Variants in DESI2 observed in about 807,000 individuals in gnomAD.
The protein encoded by DESI2 is deubiquitinase DESI2.
Under a neutral mutation model 24.1 loss-of-function variants are expected in DESI2, and 10 were observed. That is an observed-to-expected ratio of 0.41 (90% CI 0.26 to 0.70). DESI2 has a LOEUF of 0.70. Ranked by LOEUF, DESI2 falls within the 30% of genes least tolerant of loss-of-function variation. DESI2 has a pLI of 0.29. For synonymous variants in DESI2, 71 were observed against 87.7 expected, an observed-to-expected ratio of 0.81 and a Z score of 1.06; for missense variants, 122 against 234.9, an observed-to-expected ratio of 0.52 and a Z score of 3.14.
intron 1 of DESI2, among the ~76,000 whole-genome samples, chr1:244,666,106 A>C (rs1676034959): frequency 6.6e-6 from 1 of 152,182 alleles, no homozygotes; most frequent in South Asian, 2.1e-4. Context: ...CCACTCTCCG[A>C]GACAACTACA....
At chr1:244,699,445 G>C (rs900504318) in intron 4 of DESI2, among the ~76,000 whole-genome samples, 8 of 151,776 alleles carry the variant, frequency 5.3e-5, no homozygotes, top group Non-Finnish European at 1.2e-4. Flanking sequence ...AGCCGGGCAT[G>C]GTGGCGCGGA....
Position 244,689,434 on chromosome 1 carries a change from C to G in DESI2, c.209+92C>G. 1 of 620,634 alleles carries G rather than the reference C, an allele frequency of 1.6e-6. No individual in the cohort carries two copies. The highest frequency in any genetic ancestry group is 2.9e-6 in the Non-Finnish European group (1 of 348,044). 38.4% of individuals were successfully genotyped at this position (620,634 alleles called of 1,614,324 possible). ...ATTCATTCTGTAAATCAAAACAAAC[C>G]CAAGAAGTTAAAAATGTCTCTTTGT... On this transcript the variant is annotated intron_variant, in intron 3 of 4. Coordinates refer to ENST00000302550, the MANE Select transcript of DESI2 (RefSeq NM_016076.5). The surrounding 1 kb of genome is among the most constrained non-coding windows in gnomAD (Gnocchi z 4.0).
chr1:244,693,346 C>T (rs1376588826), intron 4 of DESI2, among the ~76,000 whole-genome samples: 2 of 152,176 alleles, frequency 1.3e-5, no homozygotes, highest in East Asian at 3.9e-4. Flanking sequence ...GCATTTGGGG[C>T]CCAAAGAGCA....
intron 1 of DESI2, 122 bp from the exon 2 acceptor site, chr1:244,686,475 G>T: frequency 1.5e-6 from 1 of 668,976 alleles, no homozygotes; most frequent in Non-Finnish European, 2.7e-6. Flanking sequence ...ACAGAGACAG[G>T]ACCACTGGAT....
intron 1 of DESI2, among the ~76,000 whole-genome samples, chr1:244,672,175 A>C (rs1486533146): frequency 6.6e-6 from 1 of 152,134 alleles, no homozygotes; most frequent in African/African-American, 2.4e-5. Context: ...CTCTTAAAAA[A>C]AGAAATGTTG....
At chr1:244,684,002 G>A (rs938575986) in intron 1 of DESI2, among the ~76,000 whole-genome samples, 4 of 152,012 alleles carry the variant, frequency 2.6e-5, no homozygotes, top group African/African-American at 9.6e-5. Context: ...ACCACACTGA[G>A]CCCTTCCCCT....
chr1:244,673,585 T>G (rs1321820965), intron 1 of DESI2, among the ~76,000 whole-genome samples: 1 of 152,190 alleles, frequency 6.6e-6, no homozygotes, highest in Non-Finnish European at 1.5e-5. Flanking sequence ...GGTTTTTGAT[T>G]GGGTATAGAG....
intron 4 of DESI2, among the ~76,000 whole-genome samples, chr1:244,700,768 A>G (rs982053953): frequency 3.3e-5 from 5 of 152,228 alleles, no homozygotes. Flanking sequence ...AATTCTCAGC[A>G]ACAAGAAACA....
chr1:244,680,020 CTT>C (rs147614472), intron 1 of DESI2, among the ~76,000 whole-genome samples: 6,805 of 81,766 alleles, frequency 0.083, 527 homozygotes, highest in African/African-American at 0.22. Flanking sequence ...TCTTTTTAGC[CTT>C]TTTTTTTTTT....
chr1:244,706,368 G>C lies in DESI2; in HGVS notation c.*579G>C, dbSNP rs902092134. 4.5e-5 allele frequency: 7 copies of C among 154,752 alleles called. No individual in the cohort carries two copies. Among genetic ancestry groups the C allele is most frequent in the African/African-American group, 1.7e-4 (7 of 41,474 alleles). The allele number at this position is 154,752 out of a possible 1,614,324, so 9.6% of individuals were successfully genotyped here. The stretch of plus-strand genomic sequence containing the variant: ...CTGAGGGCTTGGAACCCTGGGTCCA[G>C]TTCCTCTTCACACCCCCTTCCACTC... On this transcript the variant is annotated 3_prime_UTR_variant, in exon 5 of 5. Coordinates refer to ENST00000302550, the MANE Select transcript of DESI2 (RefSeq NM_016076.5).
chr1:244,657,729 C>T (rs1384820695), intron 1 of DESI2, among the ~76,000 whole-genome samples: 1 of 152,210 alleles, frequency 6.6e-6, no homozygotes, highest in Non-Finnish European at 1.5e-5. Flanking sequence ...GGTTCGTCCT[C>T]TCATAATTGT....
At chr1:244,654,718 G>T (rs1675585812) in intron 1 of DESI2, among the ~76,000 whole-genome samples, 1 of 152,172 alleles carries the variant, frequency 6.6e-6, no homozygotes, top group South Asian at 2.1e-4. Context: ...TAATTCTCTG[G>T]ATTTAAACTT....
chr1:244,698,526 G>A (rs1387270776), intron 4 of DESI2, among the ~76,000 whole-genome samples: 1 of 152,204 alleles, frequency 6.6e-6, no homozygotes, highest in Non-Finnish European at 1.5e-5. Context: ...TGGCCCTTCA[G>A]CATCTCAGCT....
Position 244,703,783 on chromosome 1 carries a change from C to T in DESI2, c.352-1773C>T, listed in dbSNP as rs575317679. ...ACGCCATTCTCCTGCCTCAGCCTCC[C>T]GAGTAGCTGGGACTACAGGTGCCCG... On this transcript the variant is annotated intron_variant, in intron 4 of 4. Transcript: ENST00000302550. 2.8e-3 allele frequency among the ~76,000 whole-genome samples: 431 copies of T among 151,968 alleles called. 1 individual carries two copies. The highest frequency in any genetic ancestry group is 0.014 in the Middle Eastern group (4 of 294).
intron 4 of DESI2, among the ~76,000 whole-genome samples, chr1:244,694,887 C>G (rs1322577651): frequency 2.0e-5 from 3 of 152,204 alleles, no homozygotes; most frequent in Non-Finnish European, 2.9e-5. Context: ...ATTGTTTGAC[C>G]TTTAACAGAA....
At chr1:244,694,662 C>G in intron 4 of DESI2, 1 of 783,348 alleles carries the variant, frequency 1.3e-6, no homozygotes, top group Non-Finnish European at 2.3e-6. Context: ...AGAGCCACAG[C>G]AGTGGCACGT....
rs575210463 is a variant in DESI2, at chr1:244,689,024, T to C, written c.116-225T>C. Among the ~76,000 whole-genome samples, 1 of 152,234 alleles carries C rather than the reference T, an allele frequency of 6.6e-6. No homozygotes were observed. The highest frequency in any genetic ancestry group is 1.5e-5 in the Non-Finnish European group (1 of 68,030). On this transcript the variant is annotated intron_variant, in intron 2 of 4. Coordinates refer to ENST00000302550, the MANE Select transcript of DESI2 (RefSeq NM_016076.5). This position sits in a 1 kb window ranked among gnomAD's most constrained non-coding sequence, Gnocchi z 4.0. ...CCTGCCATGATAAGAAAGGGAAATA[T>C]GGCAGGCAAGAATATCTTTGAGTGT...
intron 1 of DESI2, among the ~76,000 whole-genome samples, chr1:244,667,049 A>T (rs1260317289): frequency 6.6e-6 from 1 of 152,112 alleles, no homozygotes; most frequent in East Asian, 1.9e-4. Context: ...GAGATACAAT[A>T]CAAGTTGAGA....
rs946023139 is a variant in DESI2 at position 244,682,210 on chromosome 1, A to T, written c.43-4387A>T. ...CTGCTGGCTTGGGTGGCCAGCTTTT[A>T]GTCCCTTATTTGGCCACACCCGCAT... On this transcript the variant is annotated intron_variant, in intron 1 of 4. Coordinates refer to ENST00000302550, the MANE Select transcript of DESI2 (RefSeq NM_016076.5). Among the ~76,000 whole-genome samples the T allele has an allele frequency of 3.8e-3, 586 of 152,272 alleles. 2 individuals are homozygous for T. Among genetic ancestry groups the T allele is most frequent in the African/African-American group, 0.013 (555 of 41,574 alleles).
Sources: gnomAD v4.1 joint callset for allele counts (sites outside exome capture counted in the v4.1 genomes callset) on GRCh38, gnomAD v4.1.1 for gene constraint, Gnocchi (gnomAD v3.1) non-coding constraint, MANE v1.5 for transcripts, NCBI Gene and HGNC (gene_info 2026-07-23, HGNC 2026-07-21) for gene names.